The following GMDS variants were observed in gnomAD, a reference collection of about 807,000 sequenced individuals.
The protein encoded by GMDS is GDP-mannose 4,6 dehydratase.
Under a neutral mutation model 49.9 loss-of-function variants are expected in GMDS, and 20 were observed. The observed-to-expected ratio is 0.40, with a 90% CI of 0.28 to 0.58. The LOEUF (loss-of-function observed/expected upper bound fraction) is 0.58, where lower values mean the gene tolerates loss of function less well. GMDS is among the 20% of genes least tolerant of loss of function. The probability of loss-of-function intolerance (pLI) is 0.42; values close to 1 mark genes in which losing one functional copy is unlikely to be tolerated. For synonymous variants in GMDS, 177 were observed against 178.6 expected, an observed-to-expected ratio of 0.99 and a Z score of 0.07; for missense variants, 362 against 481.4, an observed-to-expected ratio of 0.75 and a Z score of 2.32.
At chr6:1,933,398 G>C (rs985557096) in intron 6 of GMDS, among the ~76,000 whole-genome samples, 1 of 152,208 alleles carries the variant, frequency 6.6e-6, no homozygotes, top group African/African-American at 2.4e-5. Flanking sequence ...CCTAGGGGTG[G>C]AATTGCTGGG....
chr6:1,682,292 T>A (rs1764817440), intron 9 of GMDS, among the ~76,000 whole-genome samples: 1 of 152,224 alleles, frequency 6.6e-6, no homozygotes, highest in South Asian at 2.1e-4. Context: ...GTACACTTCA[T>A]AACACCTTCA....
At chr6:1,721,120 G>C (rs570732675) in intron 9 of GMDS, among the ~76,000 whole-genome samples, 1 of 152,118 alleles carries the variant, frequency 6.6e-6, no homozygotes, top group South Asian at 2.1e-4. Flanking sequence ...AGGGCTATGA[G>C]ATAGAGCAAG....
chr6:2,095,741 T>C (rs1236293020), intron 4 of GMDS, among the ~76,000 whole-genome samples: 1 of 152,224 alleles, frequency 6.6e-6, no homozygotes, highest in East Asian at 1.9e-4. Flanking sequence ...GATGAAACCT[T>C]GGAAGTCATT....
At chr6:1,763,419 C>G (rs995758268) in intron 7 of GMDS, among the ~76,000 whole-genome samples, 1 of 152,172 alleles carries the variant, frequency 6.6e-6, no homozygotes, top group Non-Finnish European at 1.5e-5. Flanking sequence ...AAAACCCCAG[C>G]GTCTCCCCAA....
chr6:1,876,497 G>A (rs1759069626), intron 7 of GMDS, among the ~76,000 whole-genome samples: 1 of 152,166 alleles, frequency 6.6e-6, no homozygotes, highest in African/African-American at 2.4e-5. Flanking sequence ...GTTGTCAGGA[G>A]GCTGTGCTCT....
At chr6:2,206,159 G>A (rs1273444042) in intron 1 of GMDS, among the ~76,000 whole-genome samples, 1 of 152,150 alleles carries the variant, frequency 6.6e-6, no homozygotes, top group African/African-American at 2.4e-5. Flanking sequence ...TCAGGAGGCT[G>A]AGGCAGGAGA....
chr6:1,671,659 T>C (rs545635504), intron 9 of GMDS, among the ~76,000 whole-genome samples: 42 of 139,188 alleles, frequency 3.0e-4, no homozygotes, highest in Admixed American at 1.4e-3. Context: ...TGCCATACTT[T>C]TAATTACTTT....
In GMDS at chr6:1,835,286, G is replaced by T. The variant is rs116749930; in HGVS notation, c.772-92700C>A. ...CTGGGATAGGGTGGAGGTGGCTTAT[G>T]CTGCTGCAGGTCGGAACTCAGGGCA... is the stretch of plus-strand genomic sequence containing the variant. On this transcript the variant is annotated intron_variant, in intron 7 of 10. Coordinates refer to ENST00000380815, the MANE Select transcript of GMDS (RefSeq NM_001500.4). 7.2e-3 allele frequency among the ~76,000 whole-genome samples: 1,095 copies of T among 152,304 alleles called. 10 individuals are homozygous for T. The highest frequency in any genetic ancestry group is 0.025 in the African/African-American group (1,029 of 41,560).
At position 2,215,439 on chromosome 6, in the gene GMDS, T is replaced by C. The variant is rs76251908; in HGVS notation, c.102+29882A>G. ...AAAAGGGTTTCCCTTTATAAAACCA[T>C]CAGATCTCATGAGACTCACTCACTA... On this transcript the variant is annotated intron_variant, in intron 1 of 10. Transcript: ENST00000380815. Among the ~76,000 whole-genome samples the C allele has an allele frequency of 8.9e-3, 1,354 of 152,072 alleles. 21 individuals are homozygous for C. Among genetic ancestry groups the C allele is most frequent in the African/African-American group, 0.031 (1,285 of 41,472 alleles).
intron 2 of GMDS, among the ~76,000 whole-genome samples, chr6:2,121,494 AC>A (rs1390479797): frequency 3.3e-5 from 5 of 152,188 alleles, no homozygotes; most frequent in Non-Finnish European, 7.3e-5. Flanking sequence ...GTGAGAAGTA[AC>A]CCTTCACTTT....
At chr6:1,942,594 G>C (rs1762872987) in intron 6 of GMDS, among the ~76,000 whole-genome samples, 2 of 152,176 alleles carry the variant, frequency 1.3e-5, no homozygotes, top group Non-Finnish European at 1.5e-5. Context: ...CAAGTGGCAA[G>C]ACTGAAAGGG....
chr6:1,754,806 G>A (rs1376678660), intron 7 of GMDS, among the ~76,000 whole-genome samples: 2 of 152,102 alleles, frequency 1.3e-5, no homozygotes, highest in African/African-American at 4.8e-5. Context: ...GATGCAGAAA[G>A]GGCCTTCGAT....
intron 9 of GMDS, among the ~76,000 whole-genome samples, chr6:1,651,519 T>A (rs1298147518): frequency 6.6e-6 from 1 of 152,228 alleles, no homozygotes. Context: ...CACACCCTCC[T>A]TTAACTAGAA....
chr6:2,161,247 G>A (rs1006222729), intron 1 of GMDS, among the ~76,000 whole-genome samples: 46 of 151,456 alleles, frequency 3.0e-4, no homozygotes, highest in African/African-American at 1.1e-3. Flanking sequence ...CTGACCTTGT[G>A]ATCCGCCTGC....
intron 1 of GMDS, among the ~76,000 whole-genome samples, chr6:2,189,660 G>A (rs528037786): frequency 1.3e-5 from 2 of 152,286 alleles, no homozygotes; most frequent in South Asian, 4.1e-4. Flanking sequence ...GCATTTTTCT[G>A]GGGGAAGGGA....
intron 7 of GMDS, among the ~76,000 whole-genome samples, chr6:1,821,053 T>C (rs547426168): frequency 6.6e-6 from 1 of 152,330 alleles, no homozygotes; most frequent in South Asian, 2.1e-4. Flanking sequence ...CATTGTGTCT[T>C]GTATACATGG....
intron 4 of GMDS, among the ~76,000 whole-genome samples, chr6:1,985,695 T>C (rs1370608863): frequency 6.6e-6 from 1 of 151,890 alleles, no homozygotes; most frequent in East Asian, 1.9e-4. Context: ...CTTTGGAAAA[T>C]ACACCTAGAA....
chr6:1,826,783 CTGGCTGGGTGTGG>C (rs1771130722), intron 7 of GMDS, among the ~76,000 whole-genome samples: 2 of 152,072 alleles, frequency 1.3e-5, no homozygotes, highest in Admixed American at 1.3e-4. Context: ...TAACAAATAT[CTGGCTGGGTGTGG>C]TGGCTCATGC....
chr6:1,932,017 G>C (rs569530190), intron 6 of GMDS, among the ~76,000 whole-genome samples: 151 of 152,278 alleles, frequency 9.9e-4, no homozygotes, highest in African/African-American at 3.6e-3. Flanking sequence ...GGTCTGCAAG[G>C]GGGGAAAGCC....
Sources: gnomAD v4.1 joint callset for allele counts (sites outside exome capture counted in the v4.1 genomes callset) on GRCh38, gnomAD v4.1.1 for gene constraint, MANE v1.5 for transcripts, NCBI Gene and HGNC (gene_info 2026-07-23, HGNC 2026-07-21) for gene names.